The following FBXO30 variants were observed in gnomAD, a reference collection of about 807,000 sequenced individuals.
FBXO30 encodes the protein F-box only protein 30.
A neutral mutation model predicts 58.1 loss-of-function variants in FBXO30; 21 were observed. The ratio of observed to expected loss-of-function variants is 0.36; its 90% CI spans 0.26 to 0.52. The LOEUF is 0.52. FBXO30 is among the 20% of genes least tolerant of loss of function. The pLI is 0.93. For synonymous variants in FBXO30, 309 were observed against 312.4 expected, an observed-to-expected ratio of 0.99 and a Z score of 0.11; for missense variants, 744 against 897.3, an observed-to-expected ratio of 0.83 and a Z score of 2.18.
chr6:145,810,382 T>C (rs569381549), intron 1 of FBXO30, among the ~76,000 whole-genome samples: 2 of 152,190 alleles, frequency 1.3e-5, no homozygotes, highest in African/African-American at 2.4e-5. Flanking sequence ...CTTTATAAAG[T>C]ATTTTGCAAT....
Position 145,798,564 on chromosome 6 carries a change from G to GA in FBXO30, c.*1541dup, listed in dbSNP as rs1777912153. ...TTTATTCAATCTCACAGTTGAAAAAGAAATTTTAAGCACTGAGAAATAAGT... is the reference window on the plus strand; with the variant it reads ...TTTATTCAATCTCACAGTTGAAAAAGAAAATTTTAAGCACTGAGAAATAAGT... On this transcript the variant is annotated 3_prime_UTR_variant, in exon 3 of 3. Coordinates refer to ENST00000237281, the MANE Select transcript of FBXO30 (RefSeq NM_032145.5). 6.6e-6 allele frequency: 1 copy of GA among 152,358 alleles called. No homozygotes were observed. Among genetic ancestry groups the GA allele is most frequent in the African/African-American group, 2.4e-5 (1 of 41,396 alleles). 9.4% of individuals were successfully genotyped at this position (152,358 alleles called of 1,614,324 possible).
chr6:145,811,932 TGA>T (rs1778345044), intron 1 of FBXO30: 1 of 152,206 alleles, frequency 6.6e-6, no homozygotes, highest in Non-Finnish European at 1.5e-5. Flanking sequence ...CTCTGGTGAC[TGA>T]TCTGTTTATC....
At chr6:145,801,110 A>G (rs1331939784) in intron 2 of FBXO30, among the ~76,000 whole-genome samples, 1 of 152,144 alleles carries the variant, frequency 6.6e-6, no homozygotes, top group Non-Finnish European at 1.5e-5. Context: ...TCATCTTTAC[A>G]AATGAAACAT....
Position 145,806,045 on chromosome 6 carries a change from C to G in FBXO30, c.361G>C (p.Asp121His). ...TGGTCTTGAAGAGCCAAGGCCATAT[C>G]CAATTGTGCCACTTCATCGACATCT... ...SRDVDEVAQL[D>H]MALALQDQRM... The change falls in exon 2 of 3, where the codon GAT becomes CAT. Residue 121 changes from aspartate to histidine, a missense_variant. Asp to His is a moderately conservative substitution (Grantham distance 81). Around this residue, in one of 3 missense-constraint regions of FBXO30, gnomAD observed 135 missense variants for 201.6 expected, o/e 0.67. Coordinates refer to ENST00000237281, the MANE Select transcript of FBXO30 (RefSeq NM_032145.5). 1 of 1,614,042 alleles carries G rather than the reference C, an allele frequency of 6.2e-7. No individual in the cohort carries two copies. Among genetic ancestry groups the G allele is most frequent in the Non-Finnish European group, 8.5e-7 (1 of 1,179,976 alleles).
Position 145,805,368 on chromosome 6 carries a change from C to G in FBXO30, c.1038G>C (p.Leu346Phe). 6.2e-7 allele frequency: 1 copy of G among 1,614,056 alleles called. No homozygotes were observed. The highest frequency in any genetic ancestry group is 8.5e-7 in the Non-Finnish European group (1 of 1,179,982). The change falls in exon 2 of 3, where the codon TTG becomes TTC. Residue 346 changes from leucine (L) to phenylalanine (F), a missense_variant. Leu to Phe is a conservative substitution (Grantham distance 22). Around this residue, in one of 3 missense-constraint regions of FBXO30, gnomAD observed 275 missense variants for 262.0 expected, o/e 1.05. Coordinates refer to ENST00000237281, the MANE Select transcript of FBXO30 (RefSeq NM_032145.5). ...QLREIIPSSA[L>F]PNGTVQHILM... ...GGATATGCTGAACTGTGCCATTAGG[C>G]AAAGCACTGGATGGTATTATTTCCC...
At chr6:145,807,982 A>C (rs1778226156) in intron 1 of FBXO30, among the ~76,000 whole-genome samples, 1 of 152,042 alleles carries the variant, frequency 6.6e-6, no homozygotes, top group African/African-American at 2.4e-5. Context: ...AAACAAAAAA[A>C]TTAGCCAGGC....
Position 145,799,282 on chromosome 6 carries a change from C to T in FBXO30, c.*824G>A, listed in dbSNP as rs1052303838. 5.3e-5 allele frequency: 8 copies of T among 152,344 alleles called. No homozygotes were observed. Among genetic ancestry groups the T allele is most frequent in the African/African-American group, 1.4e-4 (6 of 41,388 alleles). 9.4% of individuals were successfully genotyped at this position (152,344 alleles called of 1,614,324 possible). ...CTGAATATTTGAAATTTACACAATA[C>T]GCCCAATTCAAACCTAAATGAGGTA... On this transcript the variant is annotated 3_prime_UTR_variant, in exon 3 of 3. Transcript: ENST00000237281.
Position 145,805,853 on chromosome 6 carries a change from C to G in FBXO30, c.553G>C (p.Ala185Pro), listed in dbSNP as rs201026665. The change falls in exon 2 of 3, where the codon GCT becomes CCT. Residue 185 changes from alanine to proline, a missense_variant. Transcript: ENST00000237281. ...DEESYGALYQ[A>P]TVETTRSLAA... ...AAACTTCTGGTTGTTTCTACAGTAG[C>G]TTGATAAAGTGCACCATAAGATTCT... 9.5e-5 allele frequency: 154 copies of G among 1,613,924 alleles called. No individual in the cohort carries two copies. Among genetic ancestry groups the G allele is most frequent in the Non-Finnish European group, 1.3e-4 (150 of 1,179,994 alleles).
rs145499061 is a variant in FBXO30 at position 145,801,389 on chromosome 6, T to TTG, written c.2035-1082_2035-1081dup. ...AACTTTCTTAAAACGTTATGAGATTTTGTGTGTGTGTGTGTGTATGTGTGC... is the reference window on the plus strand; with the variant it reads ...AACTTTCTTAAAACGTTATGAGATTTTGTGTGTGTGTGTGTGTGTATGTGTGC... On this transcript the variant is annotated intron_variant, in intron 2 of 2. Transcript: ENST00000237281. Among the ~76,000 whole-genome samples, 587 of 150,828 alleles carry TTG rather than the reference T, an allele frequency of 3.9e-3. 5 individuals carry two copies. Among genetic ancestry groups the TTG allele is most frequent in the African/African-American group, 0.011 (441 of 41,194 alleles).
chr6:145,813,495 T>C (rs1374233135), intron 1 of FBXO30, among the ~76,000 whole-genome samples: 1 of 152,158 alleles, frequency 6.6e-6, no homozygotes, highest in Non-Finnish European at 1.5e-5. Context: ...AATCTAACCC[T>C]CTGAAAAATC....
chr6:145,808,582 A>C (rs1387627804), intron 1 of FBXO30, among the ~76,000 whole-genome samples: 1 of 152,098 alleles, frequency 6.6e-6, no homozygotes, highest in Non-Finnish European at 1.5e-5. Context: ...ATTTTCTCCA[A>C]AAGTTTCAAT....
rs555174655 is a variant in FBXO30 at position 145,805,861 on chromosome 6, A to C, written c.545T>G (p.Leu182Arg). 55 of 1,614,082 alleles carry C rather than the reference A, an allele frequency of 3.4e-5. No homozygotes were observed. The South Asian group carries it at 5.8e-4, about 17-fold the overall frequency. Residue 182 changes from leucine (L) to arginine (R), a missense_variant, in exon 2 of 3, where the codon CTT becomes CGT. Transcript: ENST00000237281. ...GGTTGTTTCTACAGTAGCTTGATAA[A>C]GTGCACCATAAGATTCTTCATCAAC... ...VSVDEESYGA[L>R]YQATVETTRS...
At chr6:145,814,294 G>A (rs1267864370) in intron 1 of FBXO30, among the ~76,000 whole-genome samples, 1 of 152,206 alleles carries the variant, frequency 6.6e-6, no homozygotes, top group Non-Finnish European at 1.5e-5. Flanking sequence ...AAACTGGGGG[G>A]GACACGGAGG....
chr6:145,804,434 T>C lies in FBXO30; in HGVS notation c.1972A>G (p.Ile658Val). ...TACTTCCTTTTCCCCCACTGCAGTA[T>C]GACCATGCCACGAGACTGAAGCAGG... Reference protein sequence around the residue: ...GSLLQSRGMVILQWGKRKYPE... With the variant: ...GSLLQSRGMVVLQWGKRKYPE... The change falls in exon 2 of 3, where the codon ATA (isoleucine) becomes GTA (valine). Residue 658 changes from isoleucine (I) to valine (V), a missense_variant. Coordinates refer to ENST00000237281, the MANE Select transcript of FBXO30 (RefSeq NM_032145.5). The C allele has an allele frequency of 6.2e-7, 1 of 1,613,728 alleles. No homozygotes were observed.
chr6:145,806,750 G>A (rs907693104), intron 1 of FBXO30, among the ~76,000 whole-genome samples: 1 of 152,064 alleles, frequency 6.6e-6, no homozygotes. Flanking sequence ...TTAAAAACAA[G>A]TTAATGTGTA....
chr6:145,806,120 G>T lies in FBXO30; in HGVS notation c.286C>A (p.Arg96=), dbSNP rs967349036. Residue 96 remains arginine, a synonymous_variant, in exon 2 of 3, where the codon CGA becomes AGA. Coordinates refer to ENST00000237281, the MANE Select transcript of FBXO30 (RefSeq NM_032145.5). ...CGGTCTGCATAACTAACTGGCCATC[G>T]ATTCCATTCCATAGTACAGCACACC... ...SVVCCTMEWN[R]WPVSYADRKS... 6 of 1,613,860 alleles carry T rather than the reference G, an allele frequency of 3.7e-6. No individual in the cohort carries two copies. The highest frequency in any genetic ancestry group is 4.2e-6 in the Non-Finnish European group (5 of 1,179,986).
Position 145,805,013 on chromosome 6 carries a change from A to G in FBXO30, c.1393T>C (p.Ser465Pro), listed in dbSNP as rs762762551. ...ATTGTACTTGTAGCTAATATTGCAGATGGAAGTGAAAAAGTCTGAGTCCCA... is the reference window on the plus strand; with the variant it reads ...ATTGTACTTGTAGCTAATATTGCAGGTGGAAGTGAAAAAGTCTGAGTCCCA... Reference protein sequence around the residue: ...DVGTQTFSLPSAILATSTMVG... With the variant: ...DVGTQTFSLPPAILATSTMVG... Residue 465 changes from serine to proline, a missense_variant, in exon 2 of 3, where the codon TCT (serine) becomes CCT (proline). Ser to Pro is a moderately conservative substitution (Grantham distance 74, BLOSUM62 -1). Around this residue, in one of 3 missense-constraint regions of FBXO30, gnomAD observed 334 missense variants for 433.7 expected, o/e 0.77. Transcript: ENST00000237281. 1 of 1,613,932 alleles carries G rather than the reference A, an allele frequency of 6.2e-7. No individual in the cohort carries two copies. The highest frequency in any genetic ancestry group is 1.7e-5 in the Admixed American group (1 of 59,980).
intron 1 of FBXO30, among the ~76,000 whole-genome samples, chr6:145,812,149 G>A (rs978991931): frequency 1.3e-5 from 2 of 151,922 alleles, no homozygotes; most frequent in African/African-American, 4.8e-5. Context: ...TTAAACTTTC[G>A]TTCTTTTTAT....
At chr6:145,813,885 A>G (rs756684071) in intron 1 of FBXO30, among the ~76,000 whole-genome samples, 1 of 152,148 alleles carries the variant, frequency 6.6e-6, no homozygotes, top group South Asian at 2.1e-4. Context: ...ATTGGTAAAC[A>G]CATACTGTTT....
Sources: allele counts gnomAD v4.1 joint callset (sites outside exome capture counted in the v4.1 genomes callset), GRCh38; gene constraint gnomAD v4.1.1; regional missense constraint gnomAD v4.1.1; transcripts MANE v1.5; gene names NCBI Gene and HGNC (gene_info 2026-07-23, HGNC 2026-07-21).